Variants in FRMD4B observed in about 807,000 individuals in gnomAD.
FRMD4B encodes FERM domain-containing protein 4B.
FRMD4B carries 74 observed loss-of-function variants against 141.5 expected under a neutral mutation model. The ratio of observed to expected loss-of-function variants is 0.52; its 90% CI spans 0.43 to 0.63. The LOEUF (loss-of-function observed/expected upper bound fraction) is 0.63, where lower values mean the gene tolerates loss of function less well. Ranked by LOEUF, FRMD4B falls within the 30% of genes least tolerant of loss-of-function variation. The probability of loss-of-function intolerance (pLI) is 0.00; values close to 1 mark genes in which losing one functional copy is unlikely to be tolerated. For missense variants in FRMD4B, 1,366 were observed against 1,253.4 expected (o/e 1.09, Z -1.36); for synonymous variants, 506 against 467.9 (o/e 1.08, Z -1.05).
In FRMD4B at chr3:69,222,004, G is replaced by C; in HGVS notation, c.666-81C>G. 5 of 777,476 alleles carry C rather than the reference G, an allele frequency of 6.4e-6. No individual in the cohort carries two copies. The South Asian group carries it at 7.5e-5, about 12-fold the overall frequency. The allele number at this position is 777,476 out of a possible 1,614,324, so 48.2% of individuals were successfully genotyped here. ...ACAGTTTCCACATTATCAGGTGGCT[G>C]TCAGGAAACTTGAGAGAGAAAGCCT... On this transcript the variant is annotated intron_variant, in intron 8 of 22. Transcript: ENST00000398540.
At chr3:69,418,288 C>T (rs1230842101) in intron 2 of FRMD4B, among the ~76,000 whole-genome samples, 4 of 152,098 alleles carry the variant, frequency 2.6e-5, no homozygotes, top group Non-Finnish European at 5.9e-5. Flanking sequence ...TTAAACATTA[C>T]TACTCTGAAT....
At chr3:69,287,161 C>T (rs540522672) in intron 5 of FRMD4B, among the ~76,000 whole-genome samples, 1 of 152,312 alleles carries the variant, frequency 6.6e-6, no homozygotes, top group South Asian at 2.1e-4. Flanking sequence ...GATTATTTTT[C>T]TAGCAATGCA....
intron 2 of FRMD4B, among the ~76,000 whole-genome samples, chr3:69,400,774 C>A (rs1044210979): frequency 1.3e-5 from 2 of 152,172 alleles, no homozygotes; most frequent in Admixed American, 1.3e-4. Flanking sequence ...ATTTGGTCCT[C>A]CTAAGTGGCT....
chr3:69,180,246 C>CAAAAAAA (rs71115658), intron 21 of FRMD4B, among the ~76,000 whole-genome samples: 1 of 101,052 alleles, frequency 9.9e-6, no homozygotes, highest in Non-Finnish European at 2.0e-5. Flanking sequence ...CTTGTTTCTA[C>CAAAAAAA]AAAAAAAAAA....
At chr3:69,527,457 C>T (rs926442950) in intron 1 of FRMD4B, among the ~76,000 whole-genome samples, 2 of 152,088 alleles carry the variant, frequency 1.3e-5, no homozygotes, top group Non-Finnish European at 2.9e-5. Context: ...GTGCTGTTAC[C>T]CAACAGTCCA....
At chr3:69,197,662 A>C (rs1419060138) in intron 12 of FRMD4B, 1 of 152,302 alleles carries the variant, frequency 6.6e-6, no homozygotes, top group Non-Finnish European at 1.5e-5. Flanking sequence ...AGAGAAAGAA[A>C]GAGAGAACAG....
At position 69,171,958 on chromosome 3, in the gene FRMD4B, A is replaced by T. The variant is rs759976457; in HGVS notation, c.3008T>A (p.Leu1003Gln). ...CAGCTGGTTTCCATCTGTACCATCC[A>T]GTTGACTGATTTCTGTGTATTGTCT... ...PSRQYTEISQLDGTDGNQLED... is the reference protein window; with the variant it reads ...PSRQYTEISQQDGTDGNQLED... Residue 1003 changes from leucine (L) to glutamine (Q), a missense_variant, in exon 23 of 23, where the codon CTG (leucine) becomes CAG (glutamine). Physicochemically the swap from Leu to Gln is moderately radical, Grantham distance 113 (BLOSUM62 -2). Coordinates refer to ENST00000398540, the MANE Select transcript of FRMD4B (RefSeq NM_015123.3). 5 of 1,613,108 alleles carry T rather than the reference A, an allele frequency of 3.1e-6. No individual in the cohort carries two copies. Among genetic ancestry groups the T allele is most frequent in the Non-Finnish European group, 4.2e-6 (5 of 1,179,104 alleles).
Position 69,417,589 on chromosome 3 carries a change from CT to C in FRMD4B, c.-1+15044del, listed in dbSNP as rs201037710. On this transcript the variant is annotated intron_variant, in intron 2 of 5. Coordinates refer to the FRMD4B transcript ENST00000459638. ...TCAATTTTGGCTTTTGTTGCCATTGCTTTTGGTGTTTTAGTCACGAAGTCTT... is the reference window on the plus strand; with the variant it reads ...TCAATTTTGGCTTTTGTTGCCATTGCTTTGGTGTTTTAGTCACGAAGTCTT... 2.2e-3 allele frequency among the ~76,000 whole-genome samples: 341 copies of C among 152,286 alleles called. 6 individuals carry two copies. The East Asian group carries it at 0.044, about 19-fold the overall frequency.
At chr3:69,184,440 T>C (rs888961663) in intron 19 of FRMD4B, among the ~76,000 whole-genome samples, 1 of 152,250 alleles carries the variant, frequency 6.6e-6, no homozygotes. Context: ...AATGACTGCA[T>C]AGCATTTTAT....
intron 2 of FRMD4B, among the ~76,000 whole-genome samples, chr3:69,407,914 T>C (rs1169276348): frequency 1.3e-5 from 2 of 152,136 alleles, no homozygotes; most frequent in African/African-American, 4.8e-5. Flanking sequence ...TTTTTATTCC[T>C]GGCCATGTGG....
chr3:69,484,391 T>C (rs147925789), intron 1 of FRMD4B, among the ~76,000 whole-genome samples: 1 of 152,236 alleles, frequency 6.6e-6, no homozygotes, highest in Non-Finnish European at 1.5e-5. Flanking sequence ...TACAAGATCT[T>C]TGGGGTGTTG....
At chr3:69,297,414 T>C (rs1257273351) in intron 4 of FRMD4B, among the ~76,000 whole-genome samples, 2 of 151,782 alleles carry the variant, frequency 1.3e-5, no homozygotes, top group Admixed American at 6.6e-5. Flanking sequence ...CATGCAGTCC[T>C]AGGACCCAGC....
chr3:69,330,429 C>A (rs929838968), intron 1 of FRMD4B, among the ~76,000 whole-genome samples: 1 of 145,648 alleles, frequency 6.9e-6, no homozygotes, highest in Non-Finnish European at 1.5e-5. Flanking sequence ...TTACTGCAAC[C>A]TCTGCCTCCT....
At chr3:69,540,976 T>C (rs1701175803) in intron 1 of FRMD4B, among the ~76,000 whole-genome samples, 2 of 152,256 alleles carry the variant, frequency 1.3e-5, no homozygotes, top group South Asian at 2.1e-4. Context: ...GTATGACATA[T>C]GAAAGTGCGT....
intron 1 of FRMD4B, among the ~76,000 whole-genome samples, chr3:69,450,172 C>A (rs1238463767): frequency 1.3e-5 from 2 of 152,190 alleles, no homozygotes; most frequent in African/African-American, 4.8e-5. Flanking sequence ...CATTAGCCAT[C>A]ATGATTATAT....
At chr3:69,517,874 C>CT (rs1224170260) in intron 1 of FRMD4B, among the ~76,000 whole-genome samples, 1 of 151,826 alleles carries the variant, frequency 6.6e-6, no homozygotes, top group African/African-American at 2.4e-5. Context: ...CGTTTTCATA[C>CT]TTAAGTGTCC....
intron 7 of FRMD4B, among the ~76,000 whole-genome samples, chr3:69,230,073 T>C (rs2093292224): frequency 1.3e-5 from 2 of 151,390 alleles, no homozygotes; most frequent in Admixed American, 1.3e-4. Context: ...GCCTCCCAGG[T>C]TCAAGCAATT....
rs201787281 is a variant in FRMD4B at position 69,181,649 on chromosome 3, G to A, written c.2101C>T (p.Leu701=). The A allele has an allele frequency of 3.7e-5, 60 of 1,613,306 alleles. No individual in the cohort carries two copies. In the East Asian group the frequency reaches 1.2e-3, roughly 33 times the overall value. The change falls in exon 21 of 23, where the codon CTG becomes TTG. Residue 701 remains leucine, a synonymous_variant. Coordinates refer to ENST00000398540, the MANE Select transcript of FRMD4B (RefSeq NM_015123.3). ...TTATCGCTGTCCATCTCGGAGAGCA[G>A]GTGGGACTGGGACTCCAGGCTTCCA... The part of the protein sequence containing the change: ...RSGSLESQSH[L]LSEMDSDKPF...
intron 11 of FRMD4B, chr3:69,200,781 T>C (rs1218601466): frequency 5.1e-6 from 4 of 784,482 alleles, no homozygotes; most frequent in Non-Finnish European, 7.6e-6. Flanking sequence ...GAGGCTGTTT[T>C]AGGAAGACAT....
Sources: allele counts gnomAD v4.1 joint callset (sites outside exome capture counted in the v4.1 genomes callset), GRCh38; gene constraint gnomAD v4.1.1; transcripts MANE v1.5; gene names NCBI Gene and HGNC (gene_info 2026-07-23, HGNC 2026-07-21).